CDCP1: variants seen among roughly 807,000 people sequenced by gnomAD.
CDCP1 encodes CUB domain-containing protein 1.
A neutral mutation model predicts 60.2 loss-of-function variants in CDCP1; 29 were observed. The observed-to-expected ratio is 0.48, with a 90% CI of 0.36 to 0.66. The LOEUF is 0.66. CDCP1 is among the 30% of genes least tolerant of loss of function. The pLI is 0.00. For missense variants in CDCP1, 876 were observed against 1,074.3 expected (o/e 0.82, Z 2.58); for synonymous variants, 387 against 431.1 (o/e 0.90, Z 1.27).
intron 1 of CDCP1, among the ~76,000 whole-genome samples, chr3:45,144,026 C>A (rs1176157195): frequency 6.6e-6 from 1 of 152,092 alleles, no homozygotes; most frequent in African/African-American, 2.4e-5. Flanking sequence ...CTGACCCAGA[C>A]TCTGGTATCT....
intron 7 of CDCP1, among the ~76,000 whole-genome samples, chr3:45,089,495 A>G (rs1007022801): frequency 9.9e-5 from 15 of 152,154 alleles, no homozygotes; most frequent in African/African-American, 3.6e-4. Context: ...TCCACCGGGG[A>G]AAAAAATCAA....
chr3:45,118,747 T>A, intron 1 of CDCP1, 126 bp from the exon 2 acceptor site: 2 of 697,670 alleles, frequency 2.9e-6, no homozygotes, highest in Non-Finnish European at 4.9e-6. Context: ...CCTCCTTTTC[T>A]GAGAAGAAGG....
intron 1 of CDCP1, among the ~76,000 whole-genome samples, chr3:45,140,021 T>C (rs1054982317): frequency 6.6e-6 from 1 of 152,244 alleles, no homozygotes; most frequent in Non-Finnish European, 1.5e-5. Context: ...AATGGCCAGA[T>C]GTTCCCGCCT....
chr3:45,134,991 A>G (rs1022053712), intron 1 of CDCP1, among the ~76,000 whole-genome samples: 4 of 152,244 alleles, frequency 2.6e-5, no homozygotes, highest in African/African-American at 9.6e-5. Context: ...TAGAAGATAC[A>G]TTCACAAGGG....
At chr3:45,092,607 G>A (rs1334339837) in intron 6 of CDCP1, among the ~76,000 whole-genome samples, 1 of 152,198 alleles carries the variant, frequency 6.6e-6, no homozygotes, top group Non-Finnish European at 1.5e-5. Context: ...CAGAGAATAA[G>A]AGTAGGAAAT....
chr3:45,093,675 T>A lies in CDCP1; in HGVS notation c.1247-18A>T. On this transcript the variant is annotated intron_variant, in intron 5 of 8. Coordinates refer to ENST00000296129, the MANE Select transcript of CDCP1 (RefSeq NM_022842.5). Reference sequence around the variant, plus strand: ...TGTGCAGCCTGGAAGAAGTGGGGCATGCTAGCCATGCACAAAGGAGACCAG... The same window carrying A: ...TGTGCAGCCTGGAAGAAGTGGGGCAAGCTAGCCATGCACAAAGGAGACCAG... The A allele has an allele frequency of 6.3e-7, 1 of 1,594,768 alleles. No individual in the cohort carries two copies. Among genetic ancestry groups the A allele is most frequent in the Non-Finnish European group, 8.6e-7 (1 of 1,168,116 alleles).
Position 45,110,617 on chromosome 3 carries a change from C to T in CDCP1, c.880G>A (p.Val294Met). 6.2e-7 allele frequency: 1 copy of T among 1,614,228 alleles called. No individual in the cohort carries two copies. Among genetic ancestry groups the T allele is most frequent in the Non-Finnish European group, 8.5e-7 (1 of 1,180,044 alleles). ...GGCTGCTTGTCCTCCAGCTTGAACA[C>T]CTCGGGGTTGGTGGTGGAGCCCGGG... ...YIPGSTTNPE[V>M]FKLEDKQPGN... The change falls in exon 4 of 9, where the codon GTG becomes ATG. Residue 294 changes from valine (V) to methionine (M), a missense_variant. By Grantham distance (21) the Val-to-Met change is conservative. Coordinates refer to ENST00000296129, the MANE Select transcript of CDCP1 (RefSeq NM_022842.5).
At chr3:45,114,568 C>T (rs528998926) in intron 2 of CDCP1, among the ~76,000 whole-genome samples, 56 of 152,188 alleles carry the variant, frequency 3.7e-4, no homozygotes, top group African/African-American at 1.3e-3. Flanking sequence ...GTGTGTGCTG[C>T]CATGCCTGGG....
At chr3:45,126,902 G>C (rs1699009840) in intron 1 of CDCP1, among the ~76,000 whole-genome samples, 1 of 152,166 alleles carries the variant, frequency 6.6e-6, no homozygotes, top group African/African-American at 2.4e-5. Flanking sequence ...AATGTACCCA[G>C]GCATATATGA....
intron 5 of CDCP1, among the ~76,000 whole-genome samples, chr3:45,094,771 C>T (rs1238791190): frequency 6.6e-6 from 1 of 151,894 alleles, no homozygotes; most frequent in Admixed American, 6.6e-5. Flanking sequence ...AGGAGAGGAT[C>T]TCACAAGAGG....
intron 4 of CDCP1, among the ~76,000 whole-genome samples, chr3:45,097,318 G>T (rs1359580782): frequency 2.7e-5 from 4 of 145,914 alleles, no homozygotes; most frequent in African/African-American, 1.0e-4. Flanking sequence ...AAAAAAAAAA[G>T]AAAGAAAGAA....
chr3:45,100,342 C>T (rs1265882477), intron 4 of CDCP1, among the ~76,000 whole-genome samples: 1 of 152,206 alleles, frequency 6.6e-6, no homozygotes, highest in African/African-American at 2.4e-5. Context: ...GGACTCTCAT[C>T]TCAGGAAAAG....
At chr3:45,137,316 C>T (rs1699205578) in intron 1 of CDCP1, among the ~76,000 whole-genome samples, 2 of 152,164 alleles carry the variant, frequency 1.3e-5, no homozygotes, top group Non-Finnish European at 2.9e-5. Context: ...CAGTCTCTAG[C>T]AACTAGGGCA....
chr3:45,124,981 A>G (rs935629347), intron 1 of CDCP1, among the ~76,000 whole-genome samples: 4 of 152,178 alleles, frequency 2.6e-5, no homozygotes, highest in African/African-American at 7.2e-5. Context: ...ATTTTAGGAC[A>G]CCAGGGAACT....
chr3:45,128,085 A>T (rs1050282034), intron 1 of CDCP1, among the ~76,000 whole-genome samples: 2 of 152,188 alleles, frequency 1.3e-5, no homozygotes, highest in Non-Finnish European at 2.9e-5. Flanking sequence ...AAAGGACCAC[A>T]TTAAACACTG....
intron 5 of CDCP1, 23 bp downstream of exon 5, chr3:45,095,324 A>G: frequency 1.2e-6 from 2 of 1,605,874 alleles, no homozygotes; most frequent in Non-Finnish European, 1.7e-6. Flanking sequence ...GCCAGGGACA[A>G]ATGCACTGAT....
At chr3:45,116,303 C>G (rs1361588136) in intron 2 of CDCP1, among the ~76,000 whole-genome samples, 1 of 148,186 alleles carries the variant, frequency 6.7e-6, no homozygotes, top group Non-Finnish European at 1.5e-5. Context: ...TTTTTTCTCT[C>G]TAACCTAATA....
chr3:45,093,533 G>A lies in CDCP1; in HGVS notation c.1371C>T (p.Leu457=), dbSNP rs58562200. The change falls in exon 6 of 9, where the codon CTC becomes CTT. Residue 457 remains leucine, a synonymous_variant. Transcript: ENST00000296129. ...SWKLLVPKDR[L]SLVLVPAQKL... ...TCTGGGCTGGCACCAGCACCAGGCT[G>A]AGCCTGTCCTTGGGCACCAGCAGCT... is the stretch of plus-strand genomic sequence containing the variant. The A allele has an allele frequency of 7.9e-4, 1,282 of 1,614,200 alleles. 28 individuals carry two copies. In the East Asian group the frequency reaches 0.024, roughly 31 times the overall value.
intron 4 of CDCP1, among the ~76,000 whole-genome samples, chr3:45,101,649 G>A (rs1441887344): frequency 6.6e-6 from 1 of 152,204 alleles, no homozygotes; most frequent in Non-Finnish European, 1.5e-5. Context: ...CACTTTGGGA[G>A]GCCGAGGTGG....
Sources: allele counts gnomAD v4.1 joint callset (sites outside exome capture counted in the v4.1 genomes callset), GRCh38; gene constraint gnomAD v4.1.1; transcripts MANE v1.5; gene names NCBI Gene and HGNC (gene_info 2026-07-23, HGNC 2026-07-21).